MARK3: variants seen among roughly 807,000 people sequenced by gnomAD.
MARK3 encodes MAP/microtubule affinity-regulating kinase 3.
Under a neutral mutation model 90.1 loss-of-function variants are expected in MARK3, and 46 were observed. That is an observed-to-expected ratio of 0.51 (90% CI 0.40 to 0.65). MARK3 has a LOEUF of 0.65. Among genes scored for constraint, MARK3 ranks in the 30% least tolerant of loss-of-function variants. The probability of loss-of-function intolerance (pLI) is 0.00; values close to 1 mark genes in which losing one functional copy is unlikely to be tolerated. For synonymous variants in MARK3, 321 were observed against 332.6 expected, an observed-to-expected ratio of 0.97 and a Z score of 0.38; for missense variants, 818 against 947.2, an observed-to-expected ratio of 0.86 and a Z score of 1.79.
At chr14:103,455,189 C>G (rs1350503735) in intron 5 of MARK3, among the ~76,000 whole-genome samples, 1 of 152,126 alleles carries the variant, frequency 6.6e-6, no homozygotes, top group Admixed American at 6.5e-5. Context: ...CTGTGTTACT[C>G]TACAACAGCT....
chr14:103,460,071 A>ATTT (rs1566882596), intron 6 of MARK3, among the ~76,000 whole-genome samples: 2 of 45,576 alleles, frequency 4.4e-5, no homozygotes, highest in East Asian at 1.0e-3. Flanking sequence ...TTCCAGCTCC[A>ATTT]TCTTTTTTTT....
At chr14:103,425,027 A>G (rs972133785) in intron 2 of MARK3, among the ~76,000 whole-genome samples, 1 of 150,476 alleles carries the variant, frequency 6.6e-6, no homozygotes, top group African/African-American at 2.4e-5. Flanking sequence ...TGCAACCTCT[A>G]CCTCCCAAAT....
chr14:103,492,958 G>A (rs1180759026), intron 15 of MARK3, among the ~76,000 whole-genome samples: 3 of 152,212 alleles, frequency 2.0e-5, no homozygotes, highest in African/African-American at 4.8e-5. Context: ...GGATGAGTCT[G>A]TCTGTGGTAT....
chr14:103,406,726 C>T (rs2091321649), intron 2 of MARK3, among the ~76,000 whole-genome samples: 1 of 147,766 alleles, frequency 6.8e-6, no homozygotes, highest in African/African-American at 2.5e-5. Context: ...CCTCAGCCTC[C>T]TGAGTAGCTG....
intron 14 of MARK3, among the ~76,000 whole-genome samples, chr14:103,483,194 A>G (rs1282690708): frequency 7.9e-5 from 12 of 152,086 alleles, no homozygotes; most frequent in Non-Finnish European, 1.3e-4. Context: ...CCACCCATAT[A>G]TCTTATTTCT....
Position 103,386,255 on chromosome 14 carries a change from C to T in MARK3, c.51+175C>T, listed in dbSNP as rs980723228. ...GTTTCCTCCAGAAGTCTGCCGTGTC[C>T]CGCTGTTCGCGGGCGGGTCTGCGAA... On this transcript the variant is annotated intron_variant, in intron 1 of 17. Transcript: ENST00000429436. 2.5e-5 allele frequency: 18 copies of T among 726,734 alleles called. 1 individual carries two copies. Among genetic ancestry groups the T allele is most frequent in the Middle Eastern group, 4.8e-4 (2 of 4,176 alleles). 45.0% of individuals were successfully genotyped at this position (726,734 alleles called of 1,614,324 possible).
At chr14:103,461,765 A>C (rs1056758536) in intron 6 of MARK3, among the ~76,000 whole-genome samples, 1 of 152,110 alleles carries the variant, frequency 6.6e-6, no homozygotes, top group East Asian at 1.9e-4. Flanking sequence ...GGCCGGGCGC[A>C]GTGGCTCACA....
intron 3 of MARK3, among the ~76,000 whole-genome samples, chr14:103,441,830 T>G (rs1319478978): frequency 7.3e-6 from 1 of 137,700 alleles, no homozygotes; most frequent in Non-Finnish European, 1.6e-5. Flanking sequence ...CAGAAGTGGT[T>G]ATTCTGGTTC....
chr14:103,438,029 T>C (rs991337175), intron 3 of MARK3, among the ~76,000 whole-genome samples: 1 of 152,176 alleles, frequency 6.6e-6, no homozygotes, highest in African/African-American at 2.4e-5. Flanking sequence ...AGACAGAGTT[T>C]TGCTCTTGTT....
intron 2 of MARK3, among the ~76,000 whole-genome samples, chr14:103,409,857 T>G (rs1242156221): frequency 2.6e-5 from 4 of 152,192 alleles, no homozygotes; most frequent in African/African-American, 9.6e-5. Context: ...TGTTTCTAAA[T>G]TTTTGTTGTT....
chr14:103,466,675 C>G (rs1026446100), intron 10 of MARK3, among the ~76,000 whole-genome samples: 2 of 152,198 alleles, frequency 1.3e-5, no homozygotes, highest in South Asian at 4.1e-4. Context: ...AATATGTCAT[C>G]TTTTAGGTCA....
At chr14:103,494,197 G>A (rs1249375960) in intron 15 of MARK3, among the ~76,000 whole-genome samples, 2 of 141,982 alleles carry the variant, frequency 1.4e-5, no homozygotes, top group Admixed American at 7.4e-5. Context: ...TCGCGCCGCT[G>A]CACTCCAGCC....
chr14:103,458,823 T>A (rs1476273088), intron 6 of MARK3: 8 of 638,606 alleles, frequency 1.3e-5, no homozygotes, highest in Non-Finnish European at 2.2e-5. Context: ...TTAAGTTTCT[T>A]ATAAACGTTG....
At chr14:103,459,511 C>T (rs7153411) in intron 6 of MARK3, among the ~76,000 whole-genome samples, 149,851 of 152,206 alleles carry the variant, frequency 0.98, 73,822 homozygotes, top group East Asian at 1. Context: ...TTTGTTTTTT[C>T]GTTTTTGAGA....
chr14:103,386,177 C>T, intron 1 of MARK3, 97 bp downstream of exon 1: 4 of 1,204,062 alleles, frequency 3.3e-6, no homozygotes, highest in Non-Finnish European at 3.7e-6. Flanking sequence ...CAGCCGAACG[C>T]TCTGGAAATA....
chr14:103,496,432 A>G (rs1256868058), intron 15 of MARK3, among the ~76,000 whole-genome samples: 1 of 142,662 alleles, frequency 7.0e-6, no homozygotes, highest in East Asian at 2.1e-4. Flanking sequence ...TTTTTTTTTG[A>G]GACGGAGTCT....
chr14:103,490,821 G>C (rs903551595), intron 14 of MARK3: 3 of 425,938 alleles, frequency 7.0e-6, no homozygotes, highest in Admixed American at 1.2e-4. Flanking sequence ...AACAAGCTTA[G>C]GAGATTTTTA....
intron 3 of MARK3, among the ~76,000 whole-genome samples, chr14:103,436,209 G>A (rs1045313534): frequency 3.3e-5 from 5 of 152,004 alleles, no homozygotes; most frequent in African/African-American, 1.2e-4. Flanking sequence ...TTTTAAAGAT[G>A]ACCCCTTCCC....
intron 5 of MARK3, among the ~76,000 whole-genome samples, chr14:103,452,766 C>T (rs1319120217): frequency 2.0e-5 from 3 of 152,118 alleles, no homozygotes; most frequent in South Asian, 2.1e-4. Flanking sequence ...CCACCGCGCC[C>T]GGCCAGGATT....
Sources: allele counts gnomAD v4.1 joint callset (sites outside exome capture counted in the v4.1 genomes callset), GRCh38; gene constraint gnomAD v4.1.1; transcripts MANE v1.5; gene names NCBI Gene and HGNC (gene_info 2026-07-23, HGNC 2026-07-21).